PRSS38: variants seen among roughly 807,000 people sequenced by gnomAD.
The protein encoded by PRSS38 is marapsin 2.
A neutral mutation model predicts 26.8 loss-of-function variants in PRSS38; 22 were observed. The observed-to-expected ratio is 0.82, with a 90% confidence interval of 0.59 to 1.17. PRSS38 has a LOEUF of 1.17. PRSS38 is among the 50% of genes most tolerant of loss of function. The pLI is 0.00. For synonymous variants in PRSS38, 175 were observed against 172.1 expected, an observed-to-expected ratio of 1.02 and a Z score of -0.13; for missense variants, 427 against 422.7, an observed-to-expected ratio of 1.01 and a Z score of -0.09.
intron 3 of PRSS38, among the ~76,000 whole-genome samples, chr1:227,837,135 C>T (rs1174930270): frequency 2.6e-5 from 4 of 152,150 alleles, no homozygotes; most frequent in African/African-American, 9.7e-5. Context: ...GGACTACAGG[C>T]GTGCGCCACC....
intron 3 of PRSS38, among the ~76,000 whole-genome samples, chr1:227,820,233 G>A (rs1408000680): frequency 2.0e-5 from 3 of 151,536 alleles, no homozygotes; most frequent in Non-Finnish European, 4.4e-5. Flanking sequence ...CTATGTATAG[G>A]ATCATGTCAT....
Position 227,827,950 on chromosome 1 carries a change from C to T in PRSS38, c.583+10470C>T, listed in dbSNP as rs1477653437. The stretch of plus-strand genomic sequence containing the variant: ...TTTCTGCCTTAATTTCATTATTTAC[C>T]TAAAATCATTCAAGAGCAGGTTGTT... On this transcript the variant is annotated intron_variant, in intron 3 of 4. Coordinates refer to ENST00000366757, the Ensembl canonical transcript of PRSS38. Among the ~76,000 whole-genome samples the T allele has an allele frequency of 2.0e-5, 3 of 152,044 alleles. No individual in the cohort carries two copies. The East Asian group carries it at 5.8e-4, about 29-fold the overall frequency.
intron 3 of PRSS38, among the ~76,000 whole-genome samples, chr1:227,822,735 T>C (rs1280798389): frequency 6.6e-6 from 1 of 152,134 alleles, no homozygotes; most frequent in Admixed American, 6.6e-5. Flanking sequence ...TCTTTGCAGG[T>C]TGGTCTGTGC....
intron 3 of PRSS38, among the ~76,000 whole-genome samples, chr1:227,835,702 C>T (rs1198231994): frequency 6.6e-6 from 1 of 152,148 alleles, no homozygotes; most frequent in Non-Finnish European, 1.5e-5. Context: ...AAAAGCCAGA[C>T]ACTAAAAGTC....
intron 3 of PRSS38, among the ~76,000 whole-genome samples, chr1:227,842,916 T>C (rs566577381): frequency 1.3e-5 from 2 of 152,268 alleles, no homozygotes; most frequent in South Asian, 4.1e-4. Flanking sequence ...GACAGACAAG[T>C]CGTGGTAAGT....
At chr1:227,815,693 G>A (rs539745136) in exon 1 of PRSS38, 48 of 1,555,226 alleles carry the variant, frequency 3.1e-5, no homozygotes, top group Middle Eastern at 2.2e-4. Flanking sequence ...CTAGTCACCC[G>A]CTGGGGGCGC....
At chr1:227,825,412 G>A (rs899762447) in intron 3 of PRSS38, among the ~76,000 whole-genome samples, 4 of 152,102 alleles carry the variant, frequency 2.6e-5, no homozygotes, top group South Asian at 2.1e-4. Context: ...GGATGGTCTC[G>A]ATCTCCTGAT....
intron 3 of PRSS38, among the ~76,000 whole-genome samples, chr1:227,835,450 A>G (rs551061954): frequency 3.9e-5 from 6 of 152,184 alleles, no homozygotes; most frequent in Non-Finnish European, 8.8e-5. Flanking sequence ...ATTACCACAC[A>G]TAACAACTCC....
At position 227,833,227 on chromosome 1, in the gene PRSS38, T is replaced by C. The variant is rs570724315; in HGVS notation, c.584-12243T>C. ...AAGAGGCCACAAATAGCTAAAACAA[T>C]CTTAAAAAAGAACAACATGGCCGAG... On this transcript the variant is annotated intron_variant, in intron 3 of 4. Transcript: ENST00000366757. Among the ~76,000 whole-genome samples, 8 of 152,118 alleles carry C rather than the reference T, an allele frequency of 5.3e-5. No individual in the cohort carries two copies. In the East Asian group the frequency reaches 1.4e-3, roughly 26 times the overall value.
Position 227,816,320 on chromosome 1 carries a change from A to G in PRSS38, c.311+68A>G, listed in dbSNP as rs1572078551. The G allele has an allele frequency of 4.0e-6, 6 of 1,498,422 alleles. No individual in the cohort carries two copies. In the Admixed American group the frequency reaches 5.5e-5, roughly 14 times the overall value. 92.8% of individuals were successfully genotyped at this position (1,498,422 alleles called of 1,614,324 possible). On this transcript the variant is annotated intron_variant, in intron 2 of 4. Coordinates refer to ENST00000366757, the Ensembl canonical transcript of PRSS38. The surrounding 1 kb of genome is among the most constrained non-coding windows in gnomAD (Gnocchi z 5.1). The stretch of plus-strand genomic sequence containing the variant: ...GCACGGAGTGCCCACAGCGGCTTGG[A>G]TGGACCCCACGCAAGCCTCCCCCAT...
At chr1:227,844,583 A>T (rs558214037) in intron 3 of PRSS38, among the ~76,000 whole-genome samples, 40 of 118,288 alleles carry the variant, frequency 3.4e-4, no homozygotes, top group African/African-American at 1.5e-3. Context: ...ACTCCTCCCT[A>T]TGTGTAGTGG....
intron 3 of PRSS38, among the ~76,000 whole-genome samples, chr1:227,842,961 C>T (rs555441582): frequency 7.9e-5 from 12 of 152,284 alleles, no homozygotes; most frequent in South Asian, 2.1e-4. Flanking sequence ...ACAGAGAATC[C>T]GTTGCCCTCA....
chr1:227,830,563 G>A (rs1040588508), intron 3 of PRSS38, among the ~76,000 whole-genome samples: 20 of 144,902 alleles, frequency 1.4e-4, no homozygotes, highest in East Asian at 6.1e-4. Flanking sequence ...GTGCAATAGC[G>A]CGATCTCAGC....
At chr1:227,834,741 G>A (rs1572087854) in intron 3 of PRSS38, among the ~76,000 whole-genome samples, 1 of 151,880 alleles carries the variant, frequency 6.6e-6, no homozygotes, top group South Asian at 2.1e-4. Context: ...GTGGTGGGAG[G>A]ATTACCTGAG....
At chr1:227,838,900 G>T (rs1665275815) in intron 3 of PRSS38, among the ~76,000 whole-genome samples, 1 of 151,990 alleles carries the variant, frequency 6.6e-6, no homozygotes, top group Non-Finnish European at 1.5e-5. Flanking sequence ...CCAGGCCCAG[G>T]TCTCGAGCTC....
chr1:227,823,800 G>A (rs1382304453), intron 3 of PRSS38, among the ~76,000 whole-genome samples: 1 of 152,180 alleles, frequency 6.6e-6, no homozygotes, highest in East Asian at 1.9e-4. Context: ...GCAGAACTGT[G>A]AGCCAAAATA....
rs1281853425 is a variant in PRSS38 at position 227,845,456 on chromosome 1, C to G, written c.584-14C>G. 1 of 1,601,766 alleles carries G rather than the reference C, an allele frequency of 6.2e-7. No individual in the cohort carries two copies. Among genetic ancestry groups the G allele is most frequent in the African/African-American group, 1.3e-5 (1 of 74,756 alleles). On this transcript the variant is annotated splice_polypyrimidine_tract_variant and intron_variant, in intron 3 of 4. Coordinates refer to ENST00000366757, the Ensembl canonical transcript of PRSS38. The stretch of plus-strand genomic sequence containing the variant: ...AGCAGGTGCTGCCCCCTCACGGGAG[C>G]CCTCCTCCCACAGGTGAGACCTCAG...
At chr1:227,822,789 G>A (rs185388365) in intron 3 of PRSS38, among the ~76,000 whole-genome samples, 119 of 152,290 alleles carry the variant, frequency 7.8e-4, no homozygotes, top group Admixed American at 3.3e-3. Flanking sequence ...ACCAAGCCTA[G>A]GGATCAGCCT....
At chr1:227,845,369 C>T (rs78839211) in intron 3 of PRSS38, 101 bp from the exon 4 acceptor site, 8 of 764,696 alleles carry the variant, frequency 1.0e-5, no homozygotes, top group Non-Finnish European at 1.3e-5. Context: ...TAGTGGGGCT[C>T]CTCTCCATGG....
Sources: allele counts gnomAD v4.1 joint callset (sites outside exome capture counted in the v4.1 genomes callset), GRCh38; gene constraint gnomAD v4.1.1; non-coding constraint Gnocchi (gnomAD v3.1); transcripts MANE v1.5; gene names NCBI Gene and HGNC (gene_info 2026-07-23, HGNC 2026-07-21).